The following SRC variants were observed in gnomAD, a reference collection of about 807,000 sequenced individuals.
SRC encodes the protein SRC proto-oncogene, non-receptor tyrosine kinase, also known as proto-oncogene tyrosine-protein kinase Src.
Under a neutral mutation model 62.9 loss-of-function variants are expected in SRC, and 13 were observed. The observed-to-expected ratio is 0.21, with a 90% CI of 0.13 to 0.33. The LOEUF (loss-of-function observed/expected upper bound fraction) is 0.33. SRC is among the 10% of genes least tolerant of loss of function. The pLI, the probability that SRC is intolerant of heterozygous loss-of-function variation, is 1.00. For missense variants in SRC, 457 were observed against 737.3 expected (o/e 0.62, Z 4.40); for synonymous variants, 302 against 317.5 (o/e 0.95, Z 0.52).
At chr20:37,392,469 TTCTC>T (rs2070566710) in intron 5 of SRC, among the ~76,000 whole-genome samples, 1 of 152,108 alleles carries the variant, frequency 6.6e-6, no homozygotes, top group African/African-American at 2.4e-5. Flanking sequence ...GCAAGGGCCT[TTCTC>T]TCTCTGGGCC....
chr20:37,386,421 G>A (rs1211909696), intron 5 of SRC: 8 of 717,584 alleles, frequency 1.1e-5, no homozygotes, highest in Non-Finnish European at 2.1e-5. Context: ...CCCTCTCTCA[G>A]CTTCTCCCTC....
At chr20:37,379,719 T>A (rs1600990395) in intron 2 of SRC, among the ~76,000 whole-genome samples, 3 of 114,092 alleles carry the variant, frequency 2.6e-5, no homozygotes, top group African/African-American at 6.9e-5. Context: ...GGAGACTCTG[T>A]CTCAAAAAAA....
At chr20:37,392,854 G>A (rs1388582230) in intron 5 of SRC, among the ~76,000 whole-genome samples, 1 of 151,888 alleles carries the variant, frequency 6.6e-6, no homozygotes. Flanking sequence ...AGCACCGCCT[G>A]GCTCTCCCGC....
intron 1 of SRC, among the ~76,000 whole-genome samples, chr20:37,356,225 G>T (rs1231609215): frequency 6.6e-6 from 1 of 152,158 alleles, no homozygotes; most frequent in African/African-American, 2.4e-5. Context: ...GCTTGACAAA[G>T]GGCCTGAAGG....
At chr20:37,386,344 A>T in intron 5 of SRC, 170 bp downstream of exon 5, 1 of 741,930 alleles carries the variant, frequency 1.3e-6, no homozygotes, top group South Asian at 1.4e-5. Context: ...CCTGGGCAGC[A>T]CCTGCTGTTG....
upstream of SRC, among the ~76,000 whole-genome samples, chr20:37,345,853 G>A (rs916605100): frequency 6.6e-5 from 10 of 152,184 alleles, no homozygotes; most frequent in African/African-American, 2.2e-4. Flanking sequence ...GGGCGGATGG[G>A]GCCCGCGGGG....
chr20:37,349,209 G>A (rs1035228319), intron 1 of SRC, among the ~76,000 whole-genome samples: 3 of 152,188 alleles, frequency 2.0e-5, no homozygotes, highest in African/African-American at 7.2e-5. Context: ...ATTTTATGGA[G>A]GCCTAGATCA....
intron 3 of SRC, chr20:37,383,836 A>G (rs1432005748): frequency 3.1e-6 from 1 of 321,020 alleles, no homozygotes; most frequent in Non-Finnish European, 5.7e-6. Flanking sequence ...TGTTCAAGCG[A>G]TTCTCCTGCC....
intron 9 of SRC, among the ~76,000 whole-genome samples, chr20:37,399,663 G>C (rs1368996336): frequency 6.6e-6 from 1 of 151,796 alleles, no homozygotes; most frequent in Non-Finnish European, 1.5e-5. Flanking sequence ...TCCTGCCTCA[G>C]CCTCCCGAGT....
intron 2 of SRC, among the ~76,000 whole-genome samples, chr20:37,373,093 T>C (rs564699581): frequency 2.0e-5 from 3 of 146,704 alleles, no homozygotes; most frequent in South Asian, 2.1e-4. Context: ...CATATATAAA[T>C]ACATATACAC....
chr20:37,357,461 T>C (rs530689632), intron 1 of SRC, among the ~76,000 whole-genome samples: 1 of 152,362 alleles, frequency 6.6e-6, no homozygotes, highest in Non-Finnish European at 1.5e-5. Context: ...CATGCTAGGC[T>C]GTGTGCCTTT....
Position 37,405,995 on chromosome 20 carries a change from C to T in SRC, c.*2616C>T, listed in dbSNP as rs541127365. 1.3e-5 allele frequency: 2 copies of T among 152,378 alleles called. No homozygotes were observed. Among genetic ancestry groups the T allele is most frequent in the African/African-American group, 4.8e-5 (2 of 41,552 alleles). 9.4% of individuals were successfully genotyped at this position (152,378 alleles called of 1,614,324 possible). A position where few individuals can be genotyped will look rare whatever the true frequency, so the allele number is the denominator to read the frequency against. ...TACATCAGATCACACACCTGTGCAC[C>T]GGAGTCAACTCTGGCCACGACATTG... On this transcript the variant is annotated 3_prime_UTR_variant, in exon 14 of 14. Transcript: ENST00000373578.
At chr20:37,363,134 C>G (rs1437341485) in intron 1 of SRC, among the ~76,000 whole-genome samples, 3 of 152,232 alleles carry the variant, frequency 2.0e-5, no homozygotes, top group Admixed American at 2.0e-4. Flanking sequence ...CCCTTTGGAG[C>G]TGGAGATGAC....
intron 5 of SRC, among the ~76,000 whole-genome samples, chr20:37,388,851 C>T (rs778729308): frequency 1.8e-4 from 28 of 152,060 alleles, no homozygotes; most frequent in South Asian, 8.3e-4. Context: ...GATGGGCCAC[C>T]GGAATTTAAG....
At chr20:37,376,920 T>C (rs2070287299) in intron 2 of SRC, among the ~76,000 whole-genome samples, 1 of 152,226 alleles carries the variant, frequency 6.6e-6, no homozygotes. Context: ...CATGGGGTCA[T>C]TGGCACAGTG....
At chr20:37,400,946 A>G (rs2147119141) in intron 10 of SRC, among the ~76,000 whole-genome samples, 1 of 152,246 alleles carries the variant, frequency 6.6e-6, no homozygotes, top group East Asian at 1.9e-4. Context: ...CTAGAATTTC[A>G]TACATGGAAT....
chr20:37,383,802 G>A (rs2070400840), intron 3 of SRC: 1 of 263,652 alleles, frequency 3.8e-6, no homozygotes, highest in Non-Finnish European at 7.2e-6. Context: ...CAGGATCTGA[G>A]CTCACTGCAG....
intron 1 of SRC, among the ~76,000 whole-genome samples, chr20:37,352,330 T>C (rs2069816303): frequency 6.6e-6 from 1 of 152,242 alleles, no homozygotes; most frequent in Admixed American, 6.5e-5. Context: ...ATCCTGGGCC[T>C]CTGCAGGCCA....
chr20:37,389,849 C>A (rs2070517535), intron 5 of SRC, among the ~76,000 whole-genome samples: 1 of 152,156 alleles, frequency 6.6e-6, no homozygotes, highest in Admixed American at 6.5e-5. Context: ...CTTGGCCCTT[C>A]TTCTAGCCAT....
Sources: gnomAD v4.1 joint callset for allele counts (sites outside exome capture counted in the v4.1 genomes callset) on GRCh38, gnomAD v4.1.1 for gene constraint, MANE v1.5 for transcripts, NCBI Gene and HGNC (gene_info 2026-07-23, HGNC 2026-07-21) for gene names.